Variants in PLCB4 observed in about 807,000 individuals in gnomAD.
PLCB4 encodes phospholipase C beta 4.
A neutral mutation model predicts 178.8 loss-of-function variants in PLCB4; 77 were observed. That is an observed-to-expected ratio of 0.43 (90% CI 0.36 to 0.52). PLCB4 has a LOEUF of 0.52. Among genes scored for constraint, PLCB4 ranks in the 20% least tolerant of loss-of-function variants. The pLI is 0.00. For missense variants in PLCB4, 1,024 were observed against 1,453.4 expected (o/e 0.70, Z 4.80); for synonymous variants, 496 against 490.8 (o/e 1.01, Z -0.14).
At chr20:9,192,888 A>G (rs2093423884) in intron 2 of PLCB4, among the ~76,000 whole-genome samples, 1 of 152,136 alleles carries the variant, frequency 6.6e-6, no homozygotes, top group African/African-American at 2.4e-5. Context: ...CTCAGGTTGG[A>G]GCACCTATCC....
intron 3 of PLCB4, among the ~76,000 whole-genome samples, chr20:9,257,608 G>T (rs917786070): frequency 1.3e-5 from 2 of 152,072 alleles, no homozygotes; most frequent in African/African-American, 4.8e-5. Context: ...AACTATTCCT[G>T]ACTTGGCCAG....
intron 3 of PLCB4, among the ~76,000 whole-genome samples, chr20:9,279,144 C>T (rs1052147850): frequency 8.6e-5 from 13 of 152,000 alleles, no homozygotes; most frequent in African/African-American, 2.9e-4. Context: ...AGAATAGGAA[C>T]ATTTCTAAGG....
At chr20:9,381,058 G>A (rs934964187) in intron 13 of PLCB4, among the ~76,000 whole-genome samples, 1 of 152,078 alleles carries the variant, frequency 6.6e-6, no homozygotes, top group Non-Finnish European at 1.5e-5. Flanking sequence ...ATTTTTCCAA[G>A]CCCAATAGTT....
chr20:9,227,612 G>C (rs1014383607), intron 3 of PLCB4, among the ~76,000 whole-genome samples: 2 of 152,056 alleles, frequency 1.3e-5, no homozygotes. Flanking sequence ...TGGCACCCTT[G>C]TCAGGAGTCT....
Position 9,405,219 on chromosome 20 carries a change from C to T in PLCB4, c.1612-94C>T, listed in dbSNP as rs191255359. 2.8e-3 allele frequency: 1,765 copies of T among 637,940 alleles called. 6 individuals are homozygous for T. Among genetic ancestry groups the T allele is most frequent in the Non-Finnish European group, 4.0e-3 (1,473 of 364,308 alleles). The allele number at this position is 637,940 out of a possible 1,614,324, so 39.5% of individuals were successfully genotyped here. On this transcript the variant is annotated intron_variant, in intron 20 of 39. Coordinates refer to ENST00000378473, the MANE Select transcript of PLCB4 (RefSeq NM_001377142.1). ...CAAATAAATAGAATAACAAGTTTAC[C>T]TACACTTATTTAAATATCTATGTAT...
At position 9,327,658 on chromosome 20, in the gene PLCB4, C is replaced by A. The variant is rs372245898; in HGVS notation, c.85-9468C>A. On this transcript the variant is annotated intron_variant, in intron 4 of 39. Transcript: ENST00000378473. ...AGACGTGGTGGTGGGCGCCTGTAGTCCCAGCTACTCGGGAGGCTGAGGCAG... is the reference window on the plus strand; with the variant it reads ...AGACGTGGTGGTGGGCGCCTGTAGTACCAGCTACTCGGGAGGCTGAGGCAG... 3.5e-3 allele frequency among the ~76,000 whole-genome samples: 534 copies of A among 151,950 alleles called. 1 individual carries two copies. Among genetic ancestry groups the A allele is most frequent in the African/African-American group, 0.012 (492 of 41,450 alleles).
chr20:9,345,411 A>T (rs956212734), intron 7 of PLCB4, among the ~76,000 whole-genome samples: 1 of 152,192 alleles, frequency 6.6e-6, no homozygotes, highest in African/African-American at 2.4e-5. Flanking sequence ...CGCTCAGAAT[A>T]CAACTAGCTT....
At chr20:9,155,847 C>A (rs1186796283) in intron 2 of PLCB4, among the ~76,000 whole-genome samples, 1 of 152,112 alleles carries the variant, frequency 6.6e-6, no homozygotes, top group African/African-American at 2.4e-5. Flanking sequence ...TAGACTATAC[C>A]TACATCGTGC....
chr20:9,472,617 T>C (rs2044264775), intron 36 of PLCB4, among the ~76,000 whole-genome samples, 173 bp from the exon 37 acceptor site: 1 of 152,220 alleles, frequency 6.6e-6, no homozygotes, highest in African/African-American at 2.4e-5. Flanking sequence ...TACACAGATT[T>C]TTAAATATTC....
chr20:9,468,922 A>G (rs1187848732), intron 36 of PLCB4, among the ~76,000 whole-genome samples: 1 of 152,214 alleles, frequency 6.6e-6, no homozygotes, highest in Non-Finnish European at 1.5e-5. Flanking sequence ...CTGCTTTACA[A>G]ACAAAGTTGC....
chr20:9,439,139 A>G (rs1228226506), intron 30 of PLCB4, among the ~76,000 whole-genome samples: 1 of 152,226 alleles, frequency 6.6e-6, no homozygotes, highest in Non-Finnish European at 1.5e-5. Context: ...GCTTAAGACA[A>G]CCACCATTTA....
At chr20:9,211,454 C>A (rs6140897) in intron 2 of PLCB4, among the ~76,000 whole-genome samples, 31 of 152,278 alleles carry the variant, frequency 2.0e-4, no homozygotes, top group African/African-American at 7.5e-4. Flanking sequence ...TGCCTCAGAC[C>A]TACAGTCAAA....
intron 2 of PLCB4, among the ~76,000 whole-genome samples, chr20:9,123,712 G>A (rs2092033539): frequency 6.6e-6 from 1 of 151,972 alleles, no homozygotes; most frequent in Non-Finnish European, 1.5e-5. Context: ...AGGTAGATAA[G>A]TAGGTAGATA....
chr20:9,458,178 C>G (rs975329816), intron 34 of PLCB4, among the ~76,000 whole-genome samples: 3 of 152,184 alleles, frequency 2.0e-5, no homozygotes, highest in African/African-American at 7.2e-5. Flanking sequence ...CCTCATCTAT[C>G]TATATGCAGC....
intron 2 of PLCB4, among the ~76,000 whole-genome samples, chr20:9,158,088 T>C (rs1185428134): frequency 6.6e-6 from 1 of 152,202 alleles, no homozygotes; most frequent in African/African-American, 2.4e-5. Flanking sequence ...ACAAGGATTC[T>C]AAGTAATTTG....
chr20:9,099,597 T>C (rs79837300), intron 2 of PLCB4, among the ~76,000 whole-genome samples: 1 of 152,114 alleles, frequency 6.6e-6, no homozygotes, highest in Non-Finnish European at 1.5e-5. Flanking sequence ...TTTTTTTTTT[T>C]ACAGTGCTGG....
At chr20:9,155,752 T>G (rs1249661088) in intron 2 of PLCB4, among the ~76,000 whole-genome samples, 1 of 152,176 alleles carries the variant, frequency 6.6e-6, no homozygotes, top group Non-Finnish European at 1.5e-5. Context: ...TTGATGTTTT[T>G]TGGGACAATA....
chr20:9,448,304 AC>A (rs1240470733), intron 32 of PLCB4, among the ~76,000 whole-genome samples: 3 of 152,100 alleles, frequency 2.0e-5, no homozygotes, highest in African/African-American at 7.2e-5. Flanking sequence ...GTTTTCAGCC[AC>A]CCAACATGGA....
intron 2 of PLCB4, among the ~76,000 whole-genome samples, chr20:9,141,222 A>C (rs2092483835): frequency 6.6e-6 from 1 of 152,088 alleles, no homozygotes; most frequent in Non-Finnish European, 1.5e-5. Context: ...GGCCAGAACT[A>C]CTCATTCCAT....
Sources: gnomAD v4.1 joint callset for allele counts (sites outside exome capture counted in the v4.1 genomes callset) on GRCh38, gnomAD v4.1.1 for gene constraint, MANE v1.5 for transcripts, NCBI Gene and HGNC (gene_info 2026-07-23, HGNC 2026-07-21) for gene names.